Variants in SDK2 observed in about 807,000 individuals in gnomAD.
SDK2 encodes protein sidekick-2.
SDK2 carries 105 observed loss-of-function variants against 253.9 expected under a neutral mutation model. The ratio of observed to expected loss-of-function variants is 0.41; its 90% CI spans 0.35 to 0.49. The LOEUF (loss-of-function observed/expected upper bound fraction) is 0.49. SDK2 is among the 20% of genes least tolerant of loss of function. The pLI is 0.06. For missense variants in SDK2, 2,608 were observed against 3,003.0 expected (o/e 0.87, Z 3.07); for synonymous variants, 1,249 against 1,234.9 (o/e 1.01, Z -0.24).
Position 73,511,241 on chromosome 17 carries a change from G to C in SDK2, c.65-3644C>G, listed in dbSNP as rs530071216. ...AAAACAATAACGATCCAGCCCCTGGGTGATTAAATCCCTTCCATGTGGGGC... is the reference window on the plus strand; with the variant it reads ...AAAACAATAACGATCCAGCCCCTGGCTGATTAAATCCCTTCCATGTGGGGC... On this transcript the variant is annotated intron_variant, in intron 1 of 44. Coordinates refer to ENST00000392650, the MANE Select transcript of SDK2 (RefSeq NM_001144952.2). The surrounding 1 kb of genome is among the most constrained non-coding windows in gnomAD (Gnocchi z 4.9). Among the ~76,000 whole-genome samples, 76 of 152,354 alleles carry C rather than the reference G, an allele frequency of 5.0e-4. No homozygotes were observed. The highest frequency in any genetic ancestry group is 7.9e-4 in the Non-Finnish European group (54 of 68,030).
At chr17:73,421,037 G>A (rs1173991720) in intron 15 of SDK2, among the ~76,000 whole-genome samples, 1 of 152,222 alleles carries the variant, frequency 6.6e-6, no homozygotes, top group Middle Eastern at 3.2e-3. Flanking sequence ...GTGATGCGGT[G>A]CAGCCGCAGG....
intron 2 of SDK2, among the ~76,000 whole-genome samples, chr17:73,480,281 C>T (rs1199256955): frequency 6.6e-6 from 1 of 152,190 alleles, no homozygotes; most frequent in Admixed American, 6.5e-5. Context: ...TGGGGTCTCT[C>T]ATTCCTAGGG....
intron 1 of SDK2, among the ~76,000 whole-genome samples, chr17:73,641,405 G>A (rs890922401): frequency 1.3e-4 from 20 of 152,140 alleles, no homozygotes; most frequent in Admixed American, 1.1e-3. Flanking sequence ...TCAGCGAAGC[G>A]GCAAAGCCAG....
In SDK2 at chr17:73,343,411, T is replaced by TG. The variant is rs776107287; in HGVS notation, c.6166-4472dup. 2.4e-3 allele frequency among the ~76,000 whole-genome samples: 367 copies of TG among 152,036 alleles called. 2 individuals are homozygous for TG. The highest frequency in any genetic ancestry group is 3.3e-3 in the Non-Finnish European group (224 of 67,956). On this transcript the variant is annotated intron_variant, in intron 44 of 44. Coordinates refer to ENST00000392650, the MANE Select transcript of SDK2 (RefSeq NM_001144952.2). Reference sequence around the variant, plus strand: ...CCTGAACATCTGTTTCTTTTCGGAGTGGGGGTAGGGCGAGAAGAGAAGAAA... The same window carrying TG: ...CCTGAACATCTGTTTCTTTTCGGAGTGGGGGGTAGGGCGAGAAGAGAAGAAA...
chr17:73,561,724 G>A lies in SDK2; in HGVS notation c.65-54127C>T, dbSNP rs1037770581. Among the ~76,000 whole-genome samples, 21 of 152,220 alleles carry A rather than the reference G, an allele frequency of 1.4e-4. No individual in the cohort carries two copies. In the East Asian group the frequency reaches 2.7e-3, roughly 20 times the overall value. Reference sequence around the variant, plus strand: ...TCCTGTACGGCCTCCCCTGAATTGAGTCTCTGCTCTCAAGGACTCTGTTCC... The same window carrying A: ...TCCTGTACGGCCTCCCCTGAATTGAATCTCTGCTCTCAAGGACTCTGTTCC... On this transcript the variant is annotated intron_variant, in intron 1 of 44. Coordinates refer to ENST00000392650, the MANE Select transcript of SDK2 (RefSeq NM_001144952.2).
chr17:73,355,159 C>CATATATATATAT lies in SDK2; in HGVS notation c.5594-2534_5594-2523dup, dbSNP rs1555750469. On this transcript the variant is annotated intron_variant, in intron 40 of 44. Coordinates refer to ENST00000392650, the MANE Select transcript of SDK2 (RefSeq NM_001144952.2). ...TTTGAGCCTCTGCCTCCTACACCTC[C>CATATATATATAT]ATATATATATATATATTTTTTTTTT... Among the ~76,000 whole-genome samples the CATATATATATAT allele has an allele frequency of 1.6e-3, 78 of 48,516 alleles. 5 individuals carry two copies. Among genetic ancestry groups the CATATATATATAT allele is most frequent in the African/African-American group, 5.3e-3 (40 of 7,532 alleles). 31.8% of individuals were successfully genotyped at this position (48,516 alleles called of 152,430 possible). A position where few individuals can be genotyped will look rare whatever the true frequency, so the allele number is the denominator to read the frequency against.
rs1373150565 is a variant in SDK2 at position 73,443,239 on chromosome 17, C to T, written c.614-2316G>A. 6.6e-6 allele frequency among the ~76,000 whole-genome samples: 1 copy of T among 152,008 alleles called. No individual in the cohort carries two copies. Among genetic ancestry groups the T allele is most frequent in the East Asian group, 1.9e-4 (1 of 5,184 alleles). On this transcript the variant is annotated intron_variant, in intron 5 of 44. Coordinates refer to ENST00000392650, the MANE Select transcript of SDK2 (RefSeq NM_001144952.2). The surrounding 1 kb of genome is among the most constrained non-coding windows in gnomAD (Gnocchi z 4.6). ...TGACTCCAGGCCTTGCTAGAAAAGG[C>T]CCAGGAAGAATGCGCATAAAATGTA...
chr17:73,358,301 C>A, intron 39 of SDK2, 97 bp from the exon 40 acceptor site: 1 of 1,447,908 alleles, frequency 6.9e-7, no homozygotes, highest in Non-Finnish European at 9.2e-7. Context: ...GTGACAAAAC[C>A]AACCCTGGAC....
intron 15 of SDK2, 23 bp downstream of exon 15, chr17:73,422,264 C>T (rs746570015): frequency 2.5e-6 from 4 of 1,612,716 alleles, no homozygotes; most frequent in Non-Finnish European, 3.4e-6. Context: ...GGCGACGCCC[C>T]TGTAGAGCGC....
intron 22 of SDK2, among the ~76,000 whole-genome samples, 155 bp from the exon 23 acceptor site, chr17:73,398,584 A>G (rs1229591920): frequency 6.6e-6 from 1 of 152,236 alleles, no homozygotes; most frequent in Non-Finnish European, 1.5e-5. Flanking sequence ...CCAGGCCCCT[A>G]AACATGACTG....
chr17:73,574,196 C>G (rs1241686878), intron 1 of SDK2, among the ~76,000 whole-genome samples: 2 of 152,216 alleles, frequency 1.3e-5, no homozygotes, highest in Non-Finnish European at 2.9e-5. Context: ...TGTTTGGCTC[C>G]TGTCCCTTCA....
chr17:73,358,205 C>CA lies in SDK2; in HGVS notation c.5468-2_5468-1insT. On this transcript the variant is annotated splice_acceptor_variant, in intron 39 of 44. Coordinates refer to ENST00000392650, the MANE Select transcript of SDK2 (RefSeq NM_001144952.2). LOFTEE classifies it high-confidence loss of function. ...GGCACGCCAGGCGGTCCTGGGGCAC[C>CA]TGCAGACAGCACACAGAGGCGAGGG... is the stretch of plus-strand genomic sequence containing the variant. 1 of 1,599,094 alleles carries CA rather than the reference C, an allele frequency of 6.3e-7. No homozygotes were observed. The highest frequency in any genetic ancestry group is 8.5e-7 in the Non-Finnish European group (1 of 1,175,882).
intron 1 of SDK2, among the ~76,000 whole-genome samples, chr17:73,510,913 G>T (rs553493973): frequency 6.6e-6 from 1 of 152,334 alleles, no homozygotes; most frequent in East Asian, 1.9e-4. Context: ...TTCTTTCTGA[G>T]TGTGGACTTG....
intron 30 of SDK2, 92 bp downstream of exon 30, chr17:73,387,744 G>A (rs1031544857): frequency 4.0e-5 from 49 of 1,227,620 alleles, no homozygotes; most frequent in Admixed American, 5.0e-5. Flanking sequence ...GGCTGGAGGT[G>A]TTTTCAGAAG....
At chr17:73,545,684 C>G (rs2044951988) in intron 1 of SDK2, among the ~76,000 whole-genome samples, 1 of 152,078 alleles carries the variant, frequency 6.6e-6, no homozygotes, top group South Asian at 2.1e-4. Flanking sequence ...CAGATTAAGG[C>G]CAATTAATTG....
intron 44 of SDK2, among the ~76,000 whole-genome samples, chr17:73,341,359 T>C (rs1190677604): frequency 6.6e-6 from 1 of 151,132 alleles, no homozygotes; most frequent in East Asian, 1.9e-4. Context: ...GCTAAAAACA[T>C]GGTGCACCCC....
At chr17:73,343,894 A>G (rs182256185) in intron 44 of SDK2, among the ~76,000 whole-genome samples, 1 of 152,284 alleles carries the variant, frequency 6.6e-6, no homozygotes, top group Admixed American at 6.5e-5. Context: ...ATGACAGAGA[A>G]GTCACCTTGT....
Position 73,431,174 on chromosome 17 carries a change from C to T in SDK2, c.1480+328G>A, listed in dbSNP as rs965757564. ...TGTGACAGAGACCGTCTGGCCCACA[C>T]AGCTTAAAATATTTATGATCTGGCC... On this transcript the variant is annotated intron_variant, in intron 11 of 44. Coordinates refer to ENST00000392650, the MANE Select transcript of SDK2 (RefSeq NM_001144952.2). The surrounding 1 kb of genome is among the most constrained non-coding windows in gnomAD (Gnocchi z 5.6). Among the ~76,000 whole-genome samples, 1 of 152,210 alleles carries T rather than the reference C, an allele frequency of 6.6e-6. No individual in the cohort carries two copies. The highest frequency in any genetic ancestry group is 1.5e-5 in the Non-Finnish European group (1 of 68,038).
At chr17:73,574,120 T>C (rs11077691) in intron 1 of SDK2, among the ~76,000 whole-genome samples, 43,147 of 152,028 alleles carry the variant, frequency 0.28, 6,282 homozygotes, top group South Asian at 0.41. Flanking sequence ...CATCTATGCA[T>C]TTCCTCACTG....
Sources: allele counts gnomAD v4.1 joint callset (sites outside exome capture counted in the v4.1 genomes callset), GRCh38; gene constraint gnomAD v4.1.1; non-coding constraint Gnocchi (gnomAD v3.1); transcripts MANE v1.5; gene names NCBI Gene and HGNC (gene_info 2026-07-23, HGNC 2026-07-21).